The following RAP1A variants were observed in gnomAD, a reference collection of about 807,000 sequenced individuals.
RAP1A encodes the protein RAP1A, member of RAS oncogene family, also known as ras-related protein Rap-1A.
RAP1A carries 6 observed loss-of-function variants against 26.4 expected under a neutral mutation model. That is an observed-to-expected ratio of 0.23 (90% CI 0.12 to 0.45). The LOEUF (loss-of-function observed/expected upper bound fraction) is 0.45. RAP1A is among the 20% of genes least tolerant of loss of function. The pLI is 0.99. For synonymous variants in RAP1A, 73 were observed against 79.4 expected (o/e 0.92, Z 0.43); for missense variants, 121 against 217.2 (o/e 0.56, Z 2.78).
In RAP1A at chr1:111,561,522, G is replaced by A. The variant is rs529745776; in HGVS notation, c.-28+19013G>A. On this transcript the variant is annotated intron_variant, in intron 1 of 7. Transcript: ENST00000356415. ...GTGTATGTATTGGGGGAAGGAGGGA[G>A]GAAGGGAGGAGGAAATACAGACTGA... 1.6e-4 allele frequency among the ~76,000 whole-genome samples: 25 copies of A among 152,234 alleles called. 1 individual carries two copies. The South Asian group carries it at 5.2e-3, about 32-fold the overall frequency.
rs180970913 is a variant in RAP1A at position 111,548,591 on chromosome 1, T to C, written c.-28+6082T>C. 7.2e-5 allele frequency among the ~76,000 whole-genome samples: 11 copies of C among 152,376 alleles called. No homozygotes were observed. The East Asian group carries it at 1.9e-3, about 27-fold the overall frequency. On this transcript the variant is annotated intron_variant, in intron 1 of 7. Transcript: ENST00000356415. The stretch of plus-strand genomic sequence containing the variant: ...TAAGCTGAACCAACTGAGATGTTTA[T>C]GGCATTGACTATTGTTTCTGCTGTT...
chr1:111,687,463 C>T (rs1354955961), intron 1 of RAP1A, among the ~76,000 whole-genome samples: 1 of 152,192 alleles, frequency 6.6e-6, no homozygotes, highest in African/African-American at 2.4e-5. Context: ...CCACCTCAGC[C>T]TCACAAAGTG....
At chr1:111,692,757 A>G (rs1228754136) in intron 2 of RAP1A, among the ~76,000 whole-genome samples, 1 of 152,050 alleles carries the variant, frequency 6.6e-6, no homozygotes, top group Non-Finnish European at 1.5e-5. Flanking sequence ...AGTGTAGACT[A>G]TAATTTGTGT....
chr1:111,676,711 C>T (rs1661137768), intron 1 of RAP1A, among the ~76,000 whole-genome samples: 1 of 152,076 alleles, frequency 6.6e-6, no homozygotes, highest in South Asian at 2.1e-4. Flanking sequence ...CCTTTGTAGC[C>T]ATTACCCCTG....
chr1:111,682,689 A>C (rs1397232781), intron 1 of RAP1A, among the ~76,000 whole-genome samples: 2 of 152,206 alleles, frequency 1.3e-5, no homozygotes, highest in African/African-American at 2.4e-5. Flanking sequence ...AAGTTCTTAG[A>C]GACCTGCAAA....
chr1:111,611,835 T>A (rs968916607), intron 1 of RAP1A, among the ~76,000 whole-genome samples: 5 of 152,214 alleles, frequency 3.3e-5, no homozygotes, highest in Middle Eastern at 3.2e-3. Context: ...ATCCTAAATA[T>A]TTCATGGAAC....
intron 4 of RAP1A, among the ~76,000 whole-genome samples, chr1:111,701,231 CCTTACAG>C (rs1662012302): frequency 6.6e-6 from 1 of 152,142 alleles, no homozygotes; most frequent in African/African-American, 2.4e-5. Context: ...AATCCAGCCT[CCTTACAG>C]CTTCTCATAC....
rs113347667 is a variant in RAP1A at position 111,551,766 on chromosome 1, G to T, written c.-28+9257G>T. Among the ~76,000 whole-genome samples, 29 of 149,240 alleles carry T rather than the reference G, an allele frequency of 1.9e-4. No individual in the cohort carries two copies. The South Asian group carries it at 3.4e-3, about 17-fold the overall frequency. ...TTTTGGTTTTGTTTTGTTTTGTTTT[G>T]TTTTTTTGAGATGGAGTCTTTACAG... On this transcript the variant is annotated intron_variant, in intron 1 of 7. Transcript: ENST00000356415.
intron 1 of RAP1A, among the ~76,000 whole-genome samples, chr1:111,551,860 C>G (rs981330906): frequency 6.6e-6 from 1 of 151,914 alleles, no homozygotes; most frequent in African/African-American, 2.4e-5. Context: ...TCGGCCTTGG[C>G]CTTCACTTAC....
At chr1:111,574,529 C>G (rs1658109428) in intron 1 of RAP1A, among the ~76,000 whole-genome samples, 1 of 152,320 alleles carries the variant, frequency 6.6e-6, no homozygotes, top group East Asian at 1.9e-4. Context: ...AGCACTGGAT[C>G]TGTAAATTGC....
chr1:111,615,409 T>C (rs1336474318), upstream of RAP1A, among the ~76,000 whole-genome samples: 1 of 151,852 alleles, frequency 6.6e-6, no homozygotes, highest in Non-Finnish European at 1.5e-5. Context: ...GTCGTGGCAA[T>C]AGAGCTAGAG....
Position 111,691,408 on chromosome 1 carries a change from G to A in RAP1A, c.48G>A (p.Lys16=), listed in dbSNP as rs1053165413. ...LVVLGSGGVG[K]SALTVQFVQG... is the part of the protein sequence containing the mutation. ...TCCTTGGTTCAGGAGGCGTTGGGAA[G>A]TCTGCTCTGGTAAGTTAGCCACCTA... The change falls in exon 2 of 8, where the codon AAG becomes AAA. Residue 16 remains lysine, a synonymous_variant. Transcript: ENST00000369709. 13 of 1,611,942 alleles carry A rather than the reference G, an allele frequency of 8.1e-6. No homozygotes were observed. Among genetic ancestry groups the A allele is most frequent in the Non-Finnish European group, 1.1e-5 (13 of 1,178,158 alleles).
At chr1:111,704,921 C>T (rs1193310657) in intron 6 of RAP1A, among the ~76,000 whole-genome samples, 1 of 151,924 alleles carries the variant, frequency 6.6e-6, no homozygotes, top group East Asian at 1.9e-4. Flanking sequence ...GTGCATGACT[C>T]ATAAGTGGGT....
At chr1:111,712,205 T>G (rs1193468180) in intron 7 of RAP1A, among the ~76,000 whole-genome samples, 2 of 152,160 alleles carry the variant, frequency 1.3e-5, no homozygotes, top group Non-Finnish European at 2.9e-5. Flanking sequence ...AGTTGATCAG[T>G]TATAGACTCC....
rs549039709 is a variant in RAP1A at position 111,668,352 on chromosome 1, T to C, written c.-27-22982T>C. Among the ~76,000 whole-genome samples the C allele has an allele frequency of 6.4e-4, 98 of 152,292 alleles. 1 individual carries two copies. Among genetic ancestry groups the C allele is most frequent in the Admixed American group, 4.2e-3 (65 of 15,306 alleles). On this transcript the variant is annotated intron_variant, in intron 1 of 7. Transcript: ENST00000369709. Reference sequence around the variant, plus strand: ...CCCCCATTGACTTCATATTTTGGAATTATTAGACAGGAATTTAAAATCAGT... The same window carrying C: ...CCCCCATTGACTTCATATTTTGGAACTATTAGACAGGAATTTAAAATCAGT...
At chr1:111,641,382 C>T (rs1186453122) in intron 1 of RAP1A, among the ~76,000 whole-genome samples, 1 of 152,170 alleles carries the variant, frequency 6.6e-6, no homozygotes, top group Non-Finnish European at 1.5e-5. Flanking sequence ...GATTGCAACG[C>T]TGGCTTGGCT....
At chr1:111,632,586 A>G (rs562947612) in intron 1 of RAP1A, among the ~76,000 whole-genome samples, 5 of 152,252 alleles carry the variant, frequency 3.3e-5, no homozygotes, top group African/African-American at 1.2e-4. Context: ...GAGGTAAATT[A>G]TGGTTGAAGG....
At chr1:111,687,684 C>A (rs1003053743) in intron 1 of RAP1A, among the ~76,000 whole-genome samples, 1 of 152,060 alleles carries the variant, frequency 6.6e-6, no homozygotes, top group Admixed American at 6.6e-5. Context: ...TACATGTAAA[C>A]CCTGTGATTG....
chr1:111,609,092 A>G (rs1217559196), intron 1 of RAP1A, among the ~76,000 whole-genome samples: 2 of 152,194 alleles, frequency 1.3e-5, no homozygotes, highest in Admixed American at 6.5e-5. Context: ...TAATCTGTCT[A>G]TTTAGGCAAT....
Sources: allele counts gnomAD v4.1 joint callset (sites outside exome capture counted in the v4.1 genomes callset), GRCh38; gene constraint gnomAD v4.1.1; transcripts MANE v1.5; gene names NCBI Gene and HGNC (gene_info 2026-07-23, HGNC 2026-07-21).